MEGF11: variants seen among roughly 807,000 people sequenced by gnomAD.
The protein encoded by MEGF11 is multiple epidermal growth factor-like domains protein 11.
In MEGF11, 126 loss-of-function variants were observed where a neutral mutation model predicts 146.6. The observed-to-expected ratio is 0.86, with a 90% CI of 0.74 to 1.00. The LOEUF (loss-of-function observed/expected upper bound fraction) is 1.00, where lower values mean the gene tolerates loss of function less well. Ranked by LOEUF, MEGF11 falls within the 50% of genes least tolerant of loss-of-function variation. MEGF11 has a pLI of 0.00. For synonymous variants in MEGF11, 532 were observed against 583.4 expected (o/e 0.91, Z 1.27); for missense variants, 1,509 against 1,521.2 (o/e 0.99, Z 0.13).
intron 10 of MEGF11, among the ~76,000 whole-genome samples, chr15:65,940,336 C>T (rs952958734): frequency 2.0e-5 from 3 of 152,226 alleles, no homozygotes; most frequent in Non-Finnish European, 2.9e-5. Flanking sequence ...AGTGCCTGCT[C>T]CTTGTCAAGC....
chr15:65,916,325 A>G, intron 17 of MEGF11, 49 bp from the exon 18 acceptor site: 2 of 1,530,712 alleles, frequency 1.3e-6, no homozygotes, highest in East Asian at 4.9e-5. Context: ...GGGTGGGGAC[A>G]AGGGGGACAG....
intron 1 of MEGF11, among the ~76,000 whole-genome samples, chr15:66,203,053 TC>T (rs1417409587): frequency 2.0e-5 from 3 of 152,212 alleles, no homozygotes; most frequent in African/African-American, 7.2e-5. Flanking sequence ...CAGTTCACCG[TC>T]CGAGGAGAGG....
chr15:65,927,266 T>C (rs533733975), intron 13 of MEGF11, among the ~76,000 whole-genome samples: 10 of 152,314 alleles, frequency 6.6e-5, no homozygotes, highest in Non-Finnish European at 1.5e-4. Flanking sequence ...GATAATTATC[T>C]GTATTTTATG....
In MEGF11 at chr15:66,123,929, A is replaced by T. The variant is rs1373164120; in HGVS notation, c.170T>A (p.Ile57Asn). Residue 57 changes from isoleucine to asparagine, a missense_variant, in exon 3 of 26, where the codon ATC becomes AAC. Transcript: ENST00000395614. ...DQIYYTRCTD[I>N]LNWFKCTRHR... is the part of the protein sequence containing the mutation. Reference sequence around the variant, plus strand: ...CCTGGTGCACTTGAACCAGTTGAGGATGTCTGTGCATCGTGTGTAATAGAT... The same window carrying T: ...CCTGGTGCACTTGAACCAGTTGAGGTTGTCTGTGCATCGTGTGTAATAGAT... 1.2e-6 allele frequency: 2 copies of T among 1,613,998 alleles called. No homozygotes were observed. The highest frequency in any genetic ancestry group is 1.3e-5 in the African/African-American group (1 of 75,028).
chr15:66,043,661 T>A (rs2084081730), intron 5 of MEGF11, among the ~76,000 whole-genome samples: 1 of 152,226 alleles, frequency 6.6e-6, no homozygotes, highest in South Asian at 2.1e-4. Context: ...GAAGCCAGAC[T>A]CTTTAGAAGC....
rs1307565146 is a variant in MEGF11, at chr15:66,042,640, T to A, written c.394+51762A>T. Among the ~76,000 whole-genome samples, 8 of 152,286 alleles carry A rather than the reference T, an allele frequency of 5.3e-5. No individual in the cohort carries two copies. In the East Asian group the frequency reaches 1.5e-3, roughly 29 times the overall value. On this transcript the variant is annotated intron_variant, in intron 5 of 25. Transcript: ENST00000395614. ...GAGGTAGAAGTTCTGAAATCCCAAG[T>A]CCTGGCAGGGACACACTCCCCCTGA...
At chr15:66,225,715 C>A (rs2091837610) in intron 1 of MEGF11, among the ~76,000 whole-genome samples, 1 of 152,108 alleles carries the variant, frequency 6.6e-6, no homozygotes, top group Non-Finnish European at 1.5e-5. Context: ...CCCATGCACT[C>A]ACACACACAC....
At chr15:66,207,396 G>A (rs987655379) in intron 1 of MEGF11, among the ~76,000 whole-genome samples, 1 of 152,222 alleles carries the variant, frequency 6.6e-6, no homozygotes, top group Non-Finnish European at 1.5e-5. Context: ...GCAGTAAGAT[G>A]TATGTCTTCA....
chr15:65,993,660 G>A (rs2082120277), intron 5 of MEGF11, among the ~76,000 whole-genome samples: 1 of 152,216 alleles, frequency 6.6e-6, no homozygotes, highest in Non-Finnish European at 1.5e-5. Flanking sequence ...GCGGGTAGGG[G>A]AGGGAGAGGG....
At chr15:66,134,476 A>G (rs2088799320) in intron 1 of MEGF11, among the ~76,000 whole-genome samples, 1 of 138,304 alleles carries the variant, frequency 7.2e-6, no homozygotes, top group Non-Finnish European at 1.7e-5. Context: ...CCCACCCGCA[A>G]TCTGCCCACT....
At chr15:65,904,226 A>G (rs2078564797) in intron 24 of MEGF11, among the ~76,000 whole-genome samples, 1 of 152,196 alleles carries the variant, frequency 6.6e-6, no homozygotes, top group African/African-American at 2.4e-5. Context: ...TCAGCTAGAA[A>G]GGCCCTTAGA....
intron 1 of MEGF11, among the ~76,000 whole-genome samples, chr15:66,231,309 T>G (rs1306079922): frequency 2.0e-5 from 3 of 151,722 alleles, no homozygotes; most frequent in African/African-American, 4.8e-5. Context: ...GTGCTGCAGA[T>G]GAACCCCCCT....
chr15:66,179,819 C>T (rs1359465409), intron 1 of MEGF11, among the ~76,000 whole-genome samples: 2 of 148,862 alleles, frequency 1.3e-5, no homozygotes, highest in East Asian at 2.0e-4. Flanking sequence ...CACCACCCCC[C>T]CACCCCCACC....
At chr15:66,174,666 A>G (rs1458747702) in intron 1 of MEGF11, among the ~76,000 whole-genome samples, 1 of 151,786 alleles carries the variant, frequency 6.6e-6, no homozygotes, top group Non-Finnish European at 1.5e-5. Flanking sequence ...CACAGGGAAG[A>G]AGCCCAGCCC....
intron 21 of MEGF11, 124 bp downstream of exon 21, chr15:65,911,958 G>T: frequency 2.3e-6 from 1 of 441,896 alleles, no homozygotes; most frequent in South Asian, 1.3e-4. Flanking sequence ...TGCTTTTAAT[G>T]TATTGGTGGT....
Position 65,982,494 on chromosome 15 carries a change from A to G in MEGF11, c.395-6T>C, listed in dbSNP as rs1484472149. ...CCAGTGGTCGCTGTCGCAGCCTGCA[A>G]GAGACGGGACAGTCAGGGATCAGGA... On this transcript the variant is annotated splice_region_variant and splice_polypyrimidine_tract_variant and intron_variant, in intron 5 of 25. Transcript: ENST00000395614. This position sits in a 1 kb window ranked among gnomAD's most constrained non-coding sequence, Gnocchi z 5.6. The G allele has an allele frequency of 2.7e-6, 4 of 1,473,908 alleles. No homozygotes were observed. The highest frequency in any genetic ancestry group is 3.6e-6 in the Non-Finnish European group (4 of 1,113,000). The allele number at this position is 1,473,908 out of a possible 1,614,324, so 91.3% of individuals were successfully genotyped here.
intron 5 of MEGF11, among the ~76,000 whole-genome samples, chr15:66,038,244 G>A (rs1233400965): frequency 6.6e-6 from 1 of 152,204 alleles, no homozygotes; most frequent in Non-Finnish European, 1.5e-5. Flanking sequence ...GAATTTCTGA[G>A]CCCAGGTTTG....
chr15:65,976,463 G>A (rs1485433402), intron 7 of MEGF11, among the ~76,000 whole-genome samples: 1 of 152,180 alleles, frequency 6.6e-6, no homozygotes, highest in African/African-American at 2.4e-5. Flanking sequence ...CATCCAACAT[G>A]ACTCATGTCC....
chr15:66,066,971 G>A (rs1166793245), intron 5 of MEGF11, among the ~76,000 whole-genome samples: 1 of 152,186 alleles, frequency 6.6e-6, no homozygotes, highest in Admixed American at 6.5e-5. Context: ...TGGTCACAGG[G>A]GGAGCTAATC....
Sources: gnomAD v4.1 joint callset for allele counts (sites outside exome capture counted in the v4.1 genomes callset) on GRCh38, gnomAD v4.1.1 for gene constraint, Gnocchi (gnomAD v3.1) non-coding constraint, MANE v1.5 for transcripts, NCBI Gene and HGNC (gene_info 2026-07-23, HGNC 2026-07-21) for gene names.